Variants in TMPRSS15 observed in about 807,000 individuals in gnomAD.
The protein encoded by TMPRSS15 is enteropeptidase.
A neutral mutation model predicts 125.3 loss-of-function variants in TMPRSS15; 128 were observed. The observed-to-expected ratio is 1.02, with a 90% confidence interval of 0.89 to 1.18. The LOEUF is 1.18. TMPRSS15 is among the 50% of genes most tolerant of loss of function. TMPRSS15 has a pLI of 0.00. For synonymous variants in TMPRSS15, 446 were observed against 423.2 expected (o/e 1.05, Z -0.66); for missense variants, 1,283 against 1,212.7 (o/e 1.06, Z -0.86).
At chr21:18,277,479 G>A (rs1397633202) in intron 23 of TMPRSS15, among the ~76,000 whole-genome samples, 2 of 152,118 alleles carry the variant, frequency 1.3e-5, no homozygotes, top group Admixed American at 1.3e-4. Context: ...GTTTAAATTT[G>A]AAGTTTAATA....
At chr21:18,425,947 C>G (rs1569066296) in intron 1 of TMPRSS15, among the ~76,000 whole-genome samples, 1 of 152,102 alleles carries the variant, frequency 6.6e-6, no homozygotes, top group Non-Finnish European at 1.5e-5. Flanking sequence ...ATTTTATGCT[C>G]TGTGCCAGGC....
At chr21:18,376,737 C>T (rs1447742428) in intron 5 of TMPRSS15, among the ~76,000 whole-genome samples, 1 of 152,126 alleles carries the variant, frequency 6.6e-6, no homozygotes, top group African/African-American at 2.4e-5. Flanking sequence ...AGAAATTAAT[C>T]CGTGTAATGT....
chr21:18,427,656 CATT>C (rs1449457625), intron 1 of TMPRSS15, among the ~76,000 whole-genome samples: 1 of 152,162 alleles, frequency 6.6e-6, no homozygotes, highest in Admixed American at 6.5e-5. Flanking sequence ...TATATTTTAT[CATT>C]GTTTACCTAA....
chr21:18,319,611 T>C (rs955457445), intron 16 of TMPRSS15, among the ~76,000 whole-genome samples: 2 of 152,032 alleles, frequency 1.3e-5, no homozygotes, highest in Non-Finnish European at 2.9e-5. Flanking sequence ...TATTTTTAGG[T>C]GAGACGGGGT....
intron 23 of TMPRSS15, among the ~76,000 whole-genome samples, chr21:18,277,127 C>T (rs562063508): frequency 1.4e-4 from 22 of 152,196 alleles, no homozygotes; most frequent in Admixed American, 5.9e-4. Flanking sequence ...TCATAAACTA[C>T]GTGAAACTTA....
upstream of TMPRSS15, among the ~76,000 whole-genome samples, chr21:18,406,474 A>AT (rs1327569726): frequency 2.0e-5 from 3 of 152,046 alleles, no homozygotes; most frequent in Non-Finnish European, 4.4e-5. Context: ...GATTAAAGAG[A>AT]TTTTCTATTG....
chr21:18,327,425 T>C (rs2146962920), intron 15 of TMPRSS15, among the ~76,000 whole-genome samples: 1 of 152,284 alleles, frequency 6.6e-6, no homozygotes, highest in Middle Eastern at 3.4e-3. Context: ...TTGCCACTCT[T>C]CTAGTCCCAA....
chr21:18,480,443 C>G (rs1434438416), intron 1 of TMPRSS15, among the ~76,000 whole-genome samples: 17 of 151,842 alleles, frequency 1.1e-4, no homozygotes, highest in Non-Finnish European at 8.8e-5. Flanking sequence ...GAGATTATGT[C>G]ATGTTAACTG....
chr21:18,460,826 A>G (rs2122951980), intron 1 of TMPRSS15: 1 of 152,204 alleles, frequency 6.6e-6, no homozygotes, highest in African/African-American at 2.4e-5. Flanking sequence ...ACACAGAAAC[A>G]TCCATGATAA....
At chr21:18,394,553 GTCTCTCTCTCTT>G (rs2076017502) in intron 3 of TMPRSS15, among the ~76,000 whole-genome samples, 2 of 142,920 alleles carry the variant, frequency 1.4e-5, no homozygotes, top group African/African-American at 2.6e-5. Context: ...CTCTCTCTCT[GTCTCTCTCTCTT>G]TCTCTCACAT....
intron 1 of TMPRSS15, among the ~76,000 whole-genome samples, chr21:18,457,245 C>G (rs1312702495): frequency 6.6e-6 from 1 of 152,026 alleles, no homozygotes; most frequent in Admixed American, 6.6e-5. Flanking sequence ...ATTTTTCATA[C>G]AGAGTTAGAC....
chr21:18,332,112 A>G lies in TMPRSS15; in HGVS notation c.1626T>C (p.Phe542=), dbSNP rs753850136. ...EPNTTFSSTN[F]PNSYPNLAFC... The stretch of plus-strand genomic sequence containing the variant: ...AAGCCAGATTAGGGTAGCTGTTTGG[A>G]AAGTTCGTAGAACTGAATGTTGTAT... Residue 542 remains phenylalanine (F), a synonymous_variant, in exon 14 of 25, where the codon TTT becomes TTC. Coordinates refer to ENST00000284885, the MANE Select transcript of TMPRSS15 (RefSeq NM_002772.3). 3 of 1,613,996 alleles carry G rather than the reference A, an allele frequency of 1.9e-6. No individual in the cohort carries two copies. Among genetic ancestry groups the G allele is most frequent in the Non-Finnish European group, 2.5e-6 (3 of 1,179,978 alleles).
At chr21:18,424,707 T>TA (rs1220629621) in intron 1 of TMPRSS15, among the ~76,000 whole-genome samples, 5 of 150,230 alleles carry the variant, frequency 3.3e-5, no homozygotes, top group Non-Finnish European at 7.4e-5. Flanking sequence ...TTATTCTTTG[T>TA]AAAAAAGTTA....
At chr21:18,328,618 T>C (rs1344524211) in intron 15 of TMPRSS15, among the ~76,000 whole-genome samples, 1 of 152,068 alleles carries the variant, frequency 6.6e-6, no homozygotes, top group Non-Finnish European at 1.5e-5. Flanking sequence ...TGGTTACAAG[T>C]GGCTGGAAAG....
chr21:18,485,387 C>G (rs1979060009), intron 1 of TMPRSS15, among the ~76,000 whole-genome samples: 1 of 151,702 alleles, frequency 6.6e-6, no homozygotes, highest in African/African-American at 2.4e-5. Flanking sequence ...TTTTTTTCAT[C>G]CTTGATGTCA....
At chr21:18,279,278 C>CCTTTAGGGT (rs944220364) in intron 22 of TMPRSS15, among the ~76,000 whole-genome samples, 2 of 143,280 alleles carry the variant, frequency 1.4e-5, no homozygotes, top group African/African-American at 5.1e-5. Flanking sequence ...CACTGGTGGC[C>CCTTTAGGGT]CTTTAGGGTC....
intron 4 of TMPRSS15, among the ~76,000 whole-genome samples, chr21:18,380,256 A>AAC (rs910408772): frequency 1.3e-5 from 2 of 151,314 alleles, no homozygotes; most frequent in South Asian, 2.1e-4. Flanking sequence ...TCTCATATGT[A>AAC]ACACACACAC....
At position 18,403,497 on chromosome 21, in the gene TMPRSS15, T is replaced by C; in HGVS notation, c.126A>G (p.Thr42=). The C allele has an allele frequency of 6.2e-7, 1 of 1,614,164 alleles. No homozygotes were observed. The highest frequency in any genetic ancestry group is 2.2e-5 in the East Asian group (1 of 44,872). ...CAGLIAVSCL[T]IKESQRGAAL... Reference sequence around the variant, plus strand: ...ACTTACCTCGTTGGGATTCCTTGATTGTCAGGCAGGATACTGCAATTAATC... The same window carrying C: ...ACTTACCTCGTTGGGATTCCTTGATCGTCAGGCAGGATACTGCAATTAATC... Residue 42 remains threonine (T), a synonymous_variant, in exon 1 of 25, where the codon ACA becomes ACG. Coordinates refer to ENST00000284885, the MANE Select transcript of TMPRSS15 (RefSeq NM_002772.3).
At position 18,270,125 on chromosome 21, in the gene TMPRSS15, C is replaced by T. The variant is rs1347488490; in HGVS notation, c.2905-1G>A. The T allele has an allele frequency of 6.2e-7, 1 of 1,613,516 alleles. No homozygotes were observed. Among genetic ancestry groups the T allele is most frequent in the East Asian group, 2.2e-5 (1 of 44,848 alleles). ...ACATTAATGGTCCTCCTGAATCCCCCTAAAGAGTGAATTGCAAAACAAAAT... is the reference window on the plus strand; with the variant it reads ...ACATTAATGGTCCTCCTGAATCCCCTTAAAGAGTGAATTGCAAAACAAAAT... On this transcript the variant is annotated splice_acceptor_variant, in intron 24 of 24. Coordinates refer to ENST00000284885, the MANE Select transcript of TMPRSS15 (RefSeq NM_002772.3). LOFTEE classifies it high-confidence loss of function.
Sources: allele counts gnomAD v4.1 joint callset (sites outside exome capture counted in the v4.1 genomes callset), GRCh38; gene constraint gnomAD v4.1.1; transcripts MANE v1.5; gene names NCBI Gene and HGNC (gene_info 2026-07-23, HGNC 2026-07-21).